Variants in AFG3L2 observed in about 807,000 individuals in gnomAD.
The protein encoded by AFG3L2 is mitochondrial inner membrane m-AAA protease component AFG3L2.
In AFG3L2, 54 loss-of-function variants were observed where a neutral mutation model predicts 94.5. That is an observed-to-expected ratio of 0.57 (90% confidence interval 0.46 to 0.72). The LOEUF is 0.72. Ranked by LOEUF, AFG3L2 falls within the 30% of genes least tolerant of loss-of-function variation. AFG3L2 has a pLI of 0.00. For missense variants in AFG3L2, 754 were observed against 994.9 expected, an observed-to-expected ratio of 0.76 and a Z score of 3.26; for synonymous variants, 377 against 365.5, an observed-to-expected ratio of 1.03 and a Z score of -0.36.
chr18:12,369,297 A>C (rs957530562), intron 3 of AFG3L2, among the ~76,000 whole-genome samples: 2 of 152,110 alleles, frequency 1.3e-5, no homozygotes, highest in Non-Finnish European at 2.9e-5. Context: ...AACTGTAGGT[A>C]CTGCTCCAAT....
chr18:12,363,999 C>A, intron 5 of AFG3L2, 143 bp from the exon 6 acceptor site: 1 of 713,632 alleles, frequency 1.4e-6, no homozygotes, highest in Non-Finnish European at 2.5e-6. Context: ...ATGTTCCCCC[C>A]TATAATTCTG....
intron 3 of AFG3L2, among the ~76,000 whole-genome samples, chr18:12,368,664 G>A (rs1027885367): frequency 6.6e-6 from 1 of 152,074 alleles, no homozygotes; most frequent in African/African-American, 2.4e-5. Context: ...ACAATGGCGT[G>A]ATCTCAGCTC....
chr18:12,371,370 C>T (rs1400102875), intron 2 of AFG3L2, among the ~76,000 whole-genome samples: 3 of 150,136 alleles, frequency 2.0e-5, no homozygotes, highest in East Asian at 1.9e-4. Flanking sequence ...TGTACAAGTA[C>T]ATCAAAGTCT....
intron 13 of AFG3L2, among the ~76,000 whole-genome samples, chr18:12,346,071 A>G (rs1908124666): frequency 1.3e-5 from 2 of 151,830 alleles, no homozygotes; most frequent in African/African-American, 4.8e-5. Context: ...CCTCCTCCAC[A>G]TCCCTGTGCC....
rs768600383 is a variant in AFG3L2 at position 12,353,177 on chromosome 18, A to G, written c.1165-19T>C. ...CTCGGACCTTGGCAAAAACAGAAAG[A>G]GAGTCACCTGACCAGAGAATATTAT... On this transcript the variant is annotated intron_variant, in intron 9 of 16. Coordinates refer to ENST00000269143, the MANE Select transcript of AFG3L2 (RefSeq NM_006796.3). 2.5e-6 allele frequency: 4 copies of G among 1,613,542 alleles called. No individual in the cohort carries two copies. The highest frequency in any genetic ancestry group is 3.4e-6 in the Non-Finnish European group (4 of 1,179,698).
At chr18:12,365,980 T>C (rs2143213889) in intron 5 of AFG3L2, among the ~76,000 whole-genome samples, 1 of 149,610 alleles carries the variant, frequency 6.7e-6, no homozygotes, top group Admixed American at 6.8e-5. Context: ...GTTCACGCCA[T>C]TCTCCTGCCT....
intron 1 of AFG3L2, among the ~76,000 whole-genome samples, chr18:12,373,375 C>G (rs1037813342): frequency 4.6e-5 from 7 of 152,092 alleles, no homozygotes; most frequent in South Asian, 4.1e-4. Flanking sequence ...GTGGGGTGTC[C>G]GAAGGGGAAT....
At chr18:12,361,349 T>C (rs1568143442) in intron 6 of AFG3L2, among the ~76,000 whole-genome samples, 1 of 152,106 alleles carries the variant, frequency 6.6e-6, no homozygotes, top group South Asian at 2.1e-4. Flanking sequence ...CGAGACTCCA[T>C]TTCAAAATAA....
At chr18:12,331,813 ATAT>A (rs1907537690) in intron 16 of AFG3L2, among the ~76,000 whole-genome samples, 24 of 3,026 alleles carry the variant, frequency 7.9e-3, no homozygotes, top group African/African-American at 9.9e-3. Flanking sequence ...AAATAAATAT[ATAT>A]ATATATATAT....
chr18:12,368,902 C>T (rs1028103523), intron 3 of AFG3L2, among the ~76,000 whole-genome samples: 1 of 151,962 alleles, frequency 6.6e-6, no homozygotes, highest in Non-Finnish European at 1.5e-5. Context: ...GCACCCGGAC[C>T]GAATACACTT....
chr18:12,373,125 A>G (rs541415096), intron 1 of AFG3L2, among the ~76,000 whole-genome samples: 24 of 152,390 alleles, frequency 1.6e-4, no homozygotes, highest in Admixed American at 1.0e-3. Context: ...AAAACAGGAC[A>G]GGAACACCAA....
chr18:12,330,252 G>A (rs1482189455), intron 16 of AFG3L2, among the ~76,000 whole-genome samples: 2 of 152,106 alleles, frequency 1.3e-5, no homozygotes, highest in African/African-American at 2.4e-5. Flanking sequence ...CTTGAACCCG[G>A]GAGGCGGAGG....
intron 2 of AFG3L2, among the ~76,000 whole-genome samples, chr18:12,371,352 A>G (rs1042489372): frequency 6.6e-6 from 1 of 151,938 alleles, no homozygotes; most frequent in Non-Finnish European, 1.5e-5. Flanking sequence ...AAAGCATAAC[A>G]TTTCTTGTGT....
At chr18:12,363,882 C>A in intron 5 of AFG3L2, 26 bp from the exon 6 acceptor site, 1 of 1,515,578 alleles carries the variant, frequency 6.6e-7, no homozygotes. Flanking sequence ...TAAATTCACA[C>A]ATAAATTCAC....
chr18:12,369,192 G>C (rs886404117), intron 3 of AFG3L2, among the ~76,000 whole-genome samples: 6 of 152,006 alleles, frequency 3.9e-5, no homozygotes, highest in Admixed American at 2.6e-4. Flanking sequence ...AGGGAGAAAG[G>C]AATGTCCACA....
At chr18:12,372,634 G>C (rs1274775214) in intron 1 of AFG3L2, among the ~76,000 whole-genome samples, 1 of 152,180 alleles carries the variant, frequency 6.6e-6, no homozygotes, top group Non-Finnish European at 1.5e-5. Context: ...GTAGGAACAA[G>C]CCAAACGTTC....
chr18:12,353,042 CT>C lies in AFG3L2; in HGVS notation c.1280del (p.Gln427ArgfsTer54), dbSNP rs1568139973. Reference sequence around the variant, plus strand: ...CCAGCAGCTGGTTGAGTGTGTTCTCCTGCTCACTCTGCCCTCCAAAGTTGCC... The same window carrying C: ...CCAGCAGCTGGTTGAGTGTGTTCTCCGCTCACTCTGCCCTCCAAAGTTGCC... ...GRGNFGGQSE[Q>X]ENTLNQLLVE... On this transcript the variant is annotated frameshift_variant, in exon 10 of 17. Transcript: ENST00000269143. LOFTEE classifies it high-confidence loss of function. 1 of 1,614,110 alleles carries C rather than the reference CT, an allele frequency of 6.2e-7. No homozygotes were observed. The highest frequency in any genetic ancestry group is 8.5e-7 in the Non-Finnish European group (1 of 1,180,006).
intron 16 of AFG3L2, among the ~76,000 whole-genome samples, chr18:12,334,490 G>A (rs1907681497): frequency 1.3e-5 from 2 of 152,132 alleles, no homozygotes; most frequent in Non-Finnish European, 2.9e-5. Context: ...CCTGACCTCT[G>A]TTCATATTCT....
intron 3 of AFG3L2, 28 bp downstream of exon 3, chr18:12,370,821 A>C (rs1288679384): frequency 6.8e-7 from 1 of 1,467,986 alleles, no homozygotes; most frequent in Non-Finnish European, 9.5e-7. Context: ...AAAACACAAA[A>C]TTCAAATATA....
Sources: gnomAD v4.1 joint callset for allele counts (sites outside exome capture counted in the v4.1 genomes callset) on GRCh38, gnomAD v4.1.1 for gene constraint, MANE v1.5 for transcripts, NCBI Gene and HGNC (gene_info 2026-07-23, HGNC 2026-07-21) for gene names.